Variants in FSTL5 observed in about 807,000 individuals in gnomAD.
FSTL5 encodes the protein follistatin-related protein 5.
Under a neutral mutation model 89.1 loss-of-function variants are expected in FSTL5, and 62 were observed. The ratio of observed to expected loss-of-function variants is 0.70; its 90% CI spans 0.57 to 0.86. The LOEUF (loss-of-function observed/expected upper bound fraction) is 0.86. Among genes scored for constraint, FSTL5 ranks in the 40% least tolerant of loss-of-function variants. The probability of loss-of-function intolerance (pLI) is 0.00; values close to 1 mark genes in which losing one functional copy is unlikely to be tolerated. For synonymous variants in FSTL5, 383 were observed against 346.2 expected, an observed-to-expected ratio of 1.11 and a Z score of -1.18; for missense variants, 1,057 against 1,001.6, an observed-to-expected ratio of 1.06 and a Z score of -0.75.
chr4:161,722,746 T>C (rs1034042725), intron 6 of FSTL5, among the ~76,000 whole-genome samples: 2 of 152,162 alleles, frequency 1.3e-5, no homozygotes, highest in Non-Finnish European at 2.9e-5. Context: ...GCCAAACTAT[T>C]TTTAAATGGC....
At chr4:162,041,344 G>C (rs1170623370) in intron 2 of FSTL5, among the ~76,000 whole-genome samples, 2 of 152,046 alleles carry the variant, frequency 1.3e-5, no homozygotes, top group South Asian at 2.1e-4. Context: ...TAGTGTTGTT[G>C]CAGTAGTGCA....
At chr4:161,459,130 G>A in intron 14 of FSTL5, 82 bp downstream of exon 14, 1 of 938,332 alleles carries the variant, frequency 1.1e-6, no homozygotes, top group Non-Finnish European at 1.7e-6. Flanking sequence ...AAAATATCAT[G>A]GTTAAATGAT....
At chr4:161,931,128 T>A (rs1209444383) in intron 3 of FSTL5, among the ~76,000 whole-genome samples, 1 of 151,954 alleles carries the variant, frequency 6.6e-6, no homozygotes, top group African/African-American at 2.4e-5. Flanking sequence ...TAGGTTGATC[T>A]AATGCTGCCA....
At chr4:161,601,869 T>C (rs938296051) in intron 7 of FSTL5, among the ~76,000 whole-genome samples, 27 of 152,098 alleles carry the variant, frequency 1.8e-4, no homozygotes, top group African/African-American at 6.5e-4. Flanking sequence ...ATAAACACTT[T>C]AAACTTGGTC....
chr4:161,957,270 A>G (rs1327130532), intron 3 of FSTL5, among the ~76,000 whole-genome samples: 1 of 152,008 alleles, frequency 6.6e-6, no homozygotes, highest in African/African-American at 2.4e-5. Context: ...ACCAATTCAA[A>G]ATTATAGCAC....
intron 4 of FSTL5, among the ~76,000 whole-genome samples, chr4:161,815,443 T>G (rs531577082): frequency 1.3e-4 from 20 of 152,120 alleles, no homozygotes; most frequent in Admixed American, 6.5e-4. Flanking sequence ...AAAATGAAAA[T>G]AGCCATTTCA....
At chr4:161,784,571 G>A (rs1325529369) in intron 4 of FSTL5, among the ~76,000 whole-genome samples, 1 of 152,030 alleles carries the variant, frequency 6.6e-6, no homozygotes. Context: ...CAATGAGAAA[G>A]TTATTATTTC....
intron 12 of FSTL5, among the ~76,000 whole-genome samples, chr4:161,494,243 C>A (rs1256252767): frequency 1.3e-5 from 2 of 151,884 alleles, no homozygotes; most frequent in African/African-American, 2.4e-5. Flanking sequence ...AAAAGAGACA[C>A]CCTGAGAAAA....
chr4:161,677,081 T>A (rs899243775), intron 6 of FSTL5, among the ~76,000 whole-genome samples: 6 of 152,034 alleles, frequency 3.9e-5, no homozygotes, highest in African/African-American at 1.2e-4. Flanking sequence ...TATTAAAACA[T>A]CTCTTAAATT....
intron 4 of FSTL5, among the ~76,000 whole-genome samples, chr4:161,794,487 A>C (rs1729570589): frequency 6.6e-6 from 1 of 152,146 alleles, no homozygotes; most frequent in African/African-American, 2.4e-5. Context: ...ATTTGAGTTA[A>C]TTTAGAGGAG....
At chr4:161,459,147 T>C (rs1454014311) in intron 14 of FSTL5, 65 bp downstream of exon 14, 10 of 989,338 alleles carry the variant, frequency 1.0e-5, no homozygotes, top group African/African-American at 3.2e-5. Flanking sequence ...TGATCACAAA[T>C]ATCCAATAAA....
chr4:161,412,628 A>G (rs1286747393), intron 15 of FSTL5, among the ~76,000 whole-genome samples: 1 of 152,188 alleles, frequency 6.6e-6, no homozygotes, highest in African/African-American at 2.4e-5. Flanking sequence ...GTGCATGTGT[A>G]CCCTAGAACT....
intron 6 of FSTL5, among the ~76,000 whole-genome samples, chr4:161,680,521 G>A (rs1409856756): frequency 1.3e-5 from 2 of 151,760 alleles, no homozygotes; most frequent in Admixed American, 6.6e-5. Flanking sequence ...CTTTTTGTTC[G>A]TTTGTTTTTG....
chr4:161,944,488 G>A (rs1325547242), intron 3 of FSTL5, among the ~76,000 whole-genome samples: 1 of 151,846 alleles, frequency 6.6e-6, no homozygotes, highest in Admixed American at 6.6e-5. Flanking sequence ...TGGTTAATTA[G>A]AAAAGAATAC....
At chr4:161,506,160 C>G (rs1316184039) in intron 11 of FSTL5, among the ~76,000 whole-genome samples, 1 of 56,566 alleles carries the variant, frequency 1.8e-5, no homozygotes, top group Non-Finnish European at 6.1e-5. Flanking sequence ...GTCTTGAGCT[C>G]CAGAGCTCAG....
intron 8 of FSTL5, among the ~76,000 whole-genome samples, chr4:161,580,660 T>G (rs1442468648): frequency 6.6e-6 from 1 of 152,186 alleles, no homozygotes; most frequent in Non-Finnish European, 1.5e-5. Flanking sequence ...TCTTACCCAC[T>G]GATTTGTGTC....
rs185332606 is a variant in FSTL5 at position 161,697,522 on chromosome 4, G to T, written c.728-41028C>A. ...AGTTTTGAAGTATATATGCATTATG[G>T]AATAACATATCAAAGAGATGTCTGC... On this transcript the variant is annotated intron_variant, in intron 6 of 15. Coordinates refer to ENST00000306100, the MANE Select transcript of FSTL5 (RefSeq NM_020116.5). Among the ~76,000 whole-genome samples the T allele has an allele frequency of 4.1e-3, 622 of 152,162 alleles. 3 individuals are homozygous for T. Among genetic ancestry groups the T allele is most frequent in the African/African-American group, 0.014 (593 of 41,522 alleles).
chr4:161,476,187 TTGTTTGTTTG>T lies in FSTL5; in HGVS notation c.1608+4823_1608+4832del, dbSNP rs1454180027. Among the ~76,000 whole-genome samples, 313 of 107,468 alleles carry T rather than the reference TTGTTTGTTTG, an allele frequency of 2.9e-3. 17 individuals carry two copies. The highest frequency in any genetic ancestry group is 9.9e-3 in the African/African-American group (289 of 29,050). 70.5% of individuals were successfully genotyped at this position (107,468 alleles called of 152,430 possible). ...CAAGTTTGCTGGTTTTTTTTTTTTT[TTGTTTGTTTG>T]TTTTTTTGAGAAAGAGTTTTGCTCT... On this transcript the variant is annotated intron_variant, in intron 13 of 15. Coordinates refer to ENST00000306100, the MANE Select transcript of FSTL5 (RefSeq NM_020116.5).
intron 15 of FSTL5, among the ~76,000 whole-genome samples, chr4:161,444,498 A>G (rs1305620197): frequency 3.3e-5 from 5 of 151,332 alleles, no homozygotes; most frequent in Non-Finnish European, 5.9e-5. Context: ...TGTATCTCAT[A>G]CAAATGAAAA....
Sources: gnomAD v4.1 joint callset for allele counts (sites outside exome capture counted in the v4.1 genomes callset) on GRCh38, gnomAD v4.1.1 for gene constraint, MANE v1.5 for transcripts, NCBI Gene and HGNC (gene_info 2026-07-23, HGNC 2026-07-21) for gene names.